CSMD1: variants seen among roughly 807,000 people sequenced by gnomAD.
CSMD1 encodes the protein CUB and sushi domain-containing protein 1.
A neutral mutation model predicts 417.5 loss-of-function variants in CSMD1; 213 were observed. That is an observed-to-expected ratio of 0.51 (90% CI 0.46 to 0.57). CSMD1 has a LOEUF of 0.57. Ranked by LOEUF, CSMD1 falls within the 20% of genes least tolerant of loss-of-function variation. The pLI is 0.00. For synonymous variants in CSMD1, 2,862 were observed against 1,736.8 expected, an observed-to-expected ratio of 1.65 and a Z score of -16.11; for missense variants, 6,923 against 4,529.7, an observed-to-expected ratio of 1.53 and a Z score of -15.17.
chr8:4,013,505 C>T (rs1188789966), intron 4 of CSMD1, among the ~76,000 whole-genome samples: 1 of 152,156 alleles, frequency 6.6e-6, no homozygotes, highest in Non-Finnish European at 1.5e-5. Context: ...CCTGTCCAGG[C>T]AGTGACCAGG....
chr8:4,680,147 A>G (rs1805947439), intron 1 of CSMD1, among the ~76,000 whole-genome samples: 1 of 152,226 alleles, frequency 6.6e-6, no homozygotes, highest in South Asian at 2.1e-4. Context: ...ATGAATATAC[A>G]CAGCAGTGTA....
intron 3 of CSMD1, among the ~76,000 whole-genome samples, chr8:4,313,303 T>C (rs1798733418): frequency 6.6e-6 from 1 of 152,076 alleles, no homozygotes; most frequent in Non-Finnish European, 1.5e-5. Context: ...ATCTGGTTAA[T>C]AGCTAGCTGA....
chr8:3,746,701 T>G (rs187450808), intron 6 of CSMD1, among the ~76,000 whole-genome samples: 1 of 152,338 alleles, frequency 6.6e-6, no homozygotes, highest in Admixed American at 6.5e-5. Flanking sequence ...CTACTCAAAA[T>G]AATTACAACT....
intron 1 of CSMD1, among the ~76,000 whole-genome samples, chr8:4,945,586 G>T (rs901376908): frequency 6.6e-6 from 1 of 151,930 alleles, no homozygotes; most frequent in Non-Finnish European, 1.5e-5. Flanking sequence ...AATAGCCTCA[G>T]TAAATCTCTG....
intron 25 of CSMD1, among the ~76,000 whole-genome samples, chr8:3,297,063 A>G (rs1804025395): frequency 6.6e-6 from 1 of 152,224 alleles, no homozygotes; most frequent in Non-Finnish European, 1.5e-5. Flanking sequence ...GTACCTGGTC[A>G]CATATGTTTG....
chr8:3,941,600 CA>C (rs1415951713), intron 5 of CSMD1, among the ~76,000 whole-genome samples: 1 of 152,046 alleles, frequency 6.6e-6, no homozygotes, highest in Admixed American at 6.6e-5. Context: ...TAATAATAAG[CA>C]TATGGTAATT....
intron 4 of CSMD1, among the ~76,000 whole-genome samples, chr8:4,019,142 A>G (rs768223572): frequency 6.6e-6 from 1 of 152,202 alleles, no homozygotes; most frequent in Non-Finnish European, 1.5e-5. Flanking sequence ...CGTAAGACTT[A>G]AAGAAAAAGG....
At chr8:4,313,287 C>G (rs966899843) in intron 3 of CSMD1, among the ~76,000 whole-genome samples, 7 of 151,902 alleles carry the variant, frequency 4.6e-5, no homozygotes, top group African/African-American at 1.7e-4. Context: ...GAAGAGAATG[C>G]GAAGAATCTG....
At chr8:3,214,457 G>C in intron 30 of CSMD1, 40 bp downstream of exon 30, 3 of 1,459,196 alleles carry the variant, frequency 2.1e-6, no homozygotes, top group Non-Finnish European at 2.7e-6. Flanking sequence ...CATTTTAAAG[G>C]AAAGTTGTAT....
chr8:3,544,595 C>A (rs1798581960), intron 10 of CSMD1, among the ~76,000 whole-genome samples: 1 of 152,052 alleles, frequency 6.6e-6, no homozygotes, highest in Admixed American at 6.5e-5. Context: ...GGATTGGGAT[C>A]CCTTTCCAGT....
intron 2 of CSMD1, among the ~76,000 whole-genome samples, chr8:4,472,721 A>G (rs897395263): frequency 1.5e-4 from 23 of 152,120 alleles, no homozygotes; most frequent in African/African-American, 5.5e-4. Context: ...TGTAAACAGC[A>G]CTTTTACTTT....
chr8:3,966,390 A>T (rs545596085), intron 5 of CSMD1, among the ~76,000 whole-genome samples: 1 of 152,300 alleles, frequency 6.6e-6, no homozygotes, highest in East Asian at 1.9e-4. Flanking sequence ...TCTTGAAAAC[A>T]ATTCTGATAA....
At chr8:3,724,177 A>C (rs1160717664) in intron 6 of CSMD1, among the ~76,000 whole-genome samples, 3 of 138,776 alleles carry the variant, frequency 2.2e-5, no homozygotes, top group Non-Finnish European at 3.1e-5. Flanking sequence ...ATAGAAAACA[A>C]TGCTACCTCT....
At chr8:3,377,502 A>G (rs1810385951) in intron 18 of CSMD1, among the ~76,000 whole-genome samples, 2 of 152,214 alleles carry the variant, frequency 1.3e-5, no homozygotes, top group Non-Finnish European at 1.5e-5. Context: ...TGCCACCCAT[A>G]TAACTGGCAT....
chr8:3,960,939 A>G (rs1165585459), intron 5 of CSMD1, among the ~76,000 whole-genome samples: 1 of 152,022 alleles, frequency 6.6e-6, no homozygotes, highest in Non-Finnish European at 1.5e-5. Context: ...GAATAAATGG[A>G]TAATACTATC....
At chr8:3,961,467 A>T (rs537132019) in intron 5 of CSMD1, among the ~76,000 whole-genome samples, 2 of 152,174 alleles carry the variant, frequency 1.3e-5, no homozygotes, top group Non-Finnish European at 2.9e-5. Flanking sequence ...ATTAAAAATG[A>T]CATTTTAAAA....
chr8:4,176,784 T>G (rs971031130), intron 3 of CSMD1, among the ~76,000 whole-genome samples: 2 of 149,260 alleles, frequency 1.3e-5, no homozygotes, highest in African/African-American at 5.0e-5. Flanking sequence ...GCAATCCTAG[T>G]CTCTGATAAA....
intron 3 of CSMD1, among the ~76,000 whole-genome samples, chr8:4,055,902 T>C (rs1798665414): frequency 6.6e-6 from 1 of 151,950 alleles, no homozygotes; most frequent in Admixed American, 6.6e-5. Context: ...AAATGATGAG[T>C]CATTAGTATT....
At chr8:4,704,076 G>C (rs747465826) in intron 1 of CSMD1, among the ~76,000 whole-genome samples, 1 of 152,164 alleles carries the variant, frequency 6.6e-6, no homozygotes, top group South Asian at 2.1e-4. Context: ...CTCCAGCTAC[G>C]CAGACTGGTT....
Sources: allele counts gnomAD v4.1 joint callset (sites outside exome capture counted in the v4.1 genomes callset), GRCh38; gene constraint gnomAD v4.1.1; transcripts MANE v1.5; gene names NCBI Gene and HGNC (gene_info 2026-07-23, HGNC 2026-07-21).